VPS13C: variants seen among roughly 807,000 people sequenced by gnomAD.
The protein encoded by VPS13C is vacuolar protein sorting 13 homolog C.
A neutral mutation model predicts 456.8 loss-of-function variants in VPS13C; 358 were observed. The observed-to-expected ratio is 0.78, with a 90% confidence interval of 0.72 to 0.86. The LOEUF is 0.86. Ranked by LOEUF, VPS13C falls within the 40% of genes least tolerant of loss-of-function variation. VPS13C has a pLI of 0.00. For synonymous variants in VPS13C, 1,578 were observed against 1,486.7 expected (o/e 1.06, Z -1.41); for missense variants, 4,818 against 4,385.4 (o/e 1.10, Z -2.79).
rs1439275631 is a variant in VPS13C, at chr15:61,909,138, A to G, written c.8845-13T>C. ...AGATACCCCCATTCTATTGTAGAAA[A>G]AAAAAAAGTATGTTTGATGTACTGG... On this transcript the variant is annotated splice_polypyrimidine_tract_variant and intron_variant, in intron 64 of 84. Transcript: ENST00000644861. 2.5e-6 allele frequency: 4 copies of G among 1,612,562 alleles called. No homozygotes were observed. The South Asian group carries it at 4.4e-5, about 18-fold the overall frequency.
At chr15:61,884,008 T>A in intron 68 of VPS13C, 120 bp downstream of exon 68, 1 of 840,534 alleles carries the variant, frequency 1.2e-6, no homozygotes, top group Non-Finnish European at 1.7e-6. Flanking sequence ...AATAAAAGTT[T>A]ATCTACCAAT....
intron 54 of VPS13C, 110 bp from the exon 55 acceptor site, chr15:61,922,143 T>C (rs1198562931): frequency 8.3e-7 from 1 of 1,211,534 alleles, no homozygotes; most frequent in Non-Finnish European, 1.2e-6. Context: ...ATTAGCCATT[T>C]TCAAAACCCA....
chr15:62,015,623 G>T (rs2047210289), intron 9 of VPS13C, among the ~76,000 whole-genome samples: 1 of 142,488 alleles, frequency 7.0e-6, no homozygotes. Flanking sequence ...CATGTCCTTT[G>T]TAGGGACATG....
chr15:62,049,617 T>C lies in VPS13C; in HGVS notation c.101-5362A>G, dbSNP rs371642192. On this transcript the variant is annotated intron_variant, in intron 1 of 84. Transcript: ENST00000644861. ...TTTTGGTTCCATATGAACTTTAAAGTAGTTTTTCCAATTCTGTGAAGAAAG... is the reference window on the plus strand; with the variant it reads ...TTTTGGTTCCATATGAACTTTAAAGCAGTTTTTCCAATTCTGTGAAGAAAG... 5.3e-5 allele frequency among the ~76,000 whole-genome samples: 8 copies of C among 152,342 alleles called. No individual in the cohort carries two copies. The East Asian group carries it at 1.2e-3, about 22-fold the overall frequency.
intron 9 of VPS13C, among the ~76,000 whole-genome samples, chr15:62,014,897 C>T (rs913079716): frequency 6.6e-6 from 1 of 152,062 alleles, no homozygotes; most frequent in South Asian, 2.1e-4. Context: ...AAAGAAAGGT[C>T]ATATATTACT....
intron 79 of VPS13C, among the ~76,000 whole-genome samples, chr15:61,869,853 T>G (rs1894879264): frequency 1.3e-5 from 2 of 152,132 alleles, no homozygotes; most frequent in Non-Finnish European, 2.9e-5. Flanking sequence ...TCAGAAACTC[T>G]GGGGGCGGGG....
At chr15:61,934,364 G>T in intron 48 of VPS13C, 33 bp from the exon 49 acceptor site, 1 of 1,199,746 alleles carries the variant, frequency 8.3e-7, no homozygotes, top group Non-Finnish European at 1.1e-6. Context: ...TTTTAAGTAG[G>T]TACGTAATTT....
intron 36 of VPS13C, 87 bp downstream of exon 36, chr15:61,959,361 G>A (rs2045115627): frequency 1.6e-6 from 2 of 1,216,530 alleles, no homozygotes; most frequent in Non-Finnish European, 2.2e-6. Context: ...TTCAGCAAAA[G>A]AGTCTACATT....
chr15:61,896,534 CT>C (rs1408628054), intron 66 of VPS13C, among the ~76,000 whole-genome samples: 1 of 152,208 alleles, frequency 6.6e-6, no homozygotes, highest in African/African-American at 2.4e-5. Context: ...GAATACTGCG[CT>C]TTTCCGACGG....
intron 82 of VPS13C, among the ~76,000 whole-genome samples, chr15:61,859,783 G>A (rs1894124279): frequency 6.6e-6 from 1 of 151,956 alleles, no homozygotes; most frequent in South Asian, 2.1e-4. Flanking sequence ...AAATAGGGAA[G>A]GAACAGAGAT....
rs145258441 is a variant in VPS13C, at chr15:61,890,870, A to T, written c.9106-470T>A. Among the ~76,000 whole-genome samples the T allele has an allele frequency of 5.3e-3, 811 of 152,274 alleles. 9 individuals are homozygous for T. Among genetic ancestry groups the T allele is most frequent in the African/African-American group, 0.018 (766 of 41,558 alleles). On this transcript the variant is annotated intron_variant, in intron 66 of 84. Coordinates refer to ENST00000644861, the MANE Select transcript of VPS13C (RefSeq NM_020821.3). ...GAGACCAGCCTGGCCAACATGGTGAAACCCCGTCTCCACTAAAAATACAAA... is the reference window on the plus strand; with the variant it reads ...GAGACCAGCCTGGCCAACATGGTGATACCCCGTCTCCACTAAAAATACAAA...
chr15:62,023,501 T>C lies in VPS13C; in HGVS notation c.534A>G (p.Lys178=). 1 of 1,570,002 alleles carries C rather than the reference T, an allele frequency of 6.4e-7. No homozygotes were observed. The highest frequency in any genetic ancestry group is 1.2e-5 in the South Asian group (1 of 82,286). Residue 178 remains lysine, a synonymous_variant, in exon 8 of 85, where the codon AAA becomes AAG. Coordinates refer to ENST00000644861, the MANE Select transcript of VPS13C (RefSeq NM_020821.3). ...CCAATTTTTCCACAAATGTATCCTTTTTGGCTTCTTTTGGCTTATCTATTA... is the reference window on the plus strand; with the variant it reads ...CCAATTTTTCCACAAATGTATCCTTCTTGGCTTCTTTTGGCTTATCTATTA... ...DRSKDKPKEA[K]KDTFVEKLAT... is the part of the protein sequence containing the mutation.
rs1268941928 is a variant in VPS13C at position 61,853,523 on chromosome 15, T to C, written c.*934A>G. ...TAAGGTTTGATTGTCCAGATTTTTT[T>C]ATTAGACTGCAAGGAGGAAAAATAA... On this transcript the variant is annotated 3_prime_UTR_variant, in exon 85 of 85. Transcript: ENST00000644861. 1 of 152,220 alleles carries C rather than the reference T, an allele frequency of 6.6e-6. No homozygotes were observed. The highest frequency in any genetic ancestry group is 1.5e-5 in the Non-Finnish European group (1 of 68,036). 9.4% of individuals were successfully genotyped at this position (152,220 alleles called of 1,614,324 possible).
intron 5 of VPS13C, 68 bp downstream of exon 5, chr15:62,033,373 T>C: frequency 2.0e-6 from 2 of 991,700 alleles, no homozygotes; most frequent in Non-Finnish European, 2.8e-6. Context: ...AAAAGCATCC[T>C]CTTTAAAGGA....
intron 12 of VPS13C, among the ~76,000 whole-genome samples, chr15:62,011,238 T>C (rs2047028057): frequency 6.6e-6 from 1 of 152,108 alleles, no homozygotes; most frequent in Non-Finnish European, 1.5e-5. Flanking sequence ...TGATATCTCA[T>C]GGTAATTACA....
Position 61,911,820 on chromosome 15 carries a change from G to A in VPS13C, c.8715+20C>T, listed in dbSNP as rs772629012. The A allele has an allele frequency of 1.4e-5, 22 of 1,566,032 alleles. No individual in the cohort carries two copies. The highest frequency in any genetic ancestry group is 1.7e-5 in the Non-Finnish European group (20 of 1,154,826). The stretch of plus-strand genomic sequence containing the variant: ...TATTTGTATATTTTAGGAATCAGTT[G>A]TAACAAAGAAAAATGCTACCTCTGA... On this transcript the variant is annotated intron_variant, in intron 63 of 84. Transcript: ENST00000644861.
chr15:62,049,677 A>G (rs1365031025), intron 1 of VPS13C, among the ~76,000 whole-genome samples: 3 of 152,190 alleles, frequency 2.0e-5, no homozygotes, highest in Non-Finnish European at 2.9e-5. Flanking sequence ...CATTGAAACT[A>G]TAAATTACCT....
At position 61,918,341 on chromosome 15, in the gene VPS13C, G is replaced by T. The variant is rs1180864216; in HGVS notation, c.7639-84C>A. ...TGAGAGCCACAAACAAATACTTTTA[G>T]ATCTAAAAAATTTCAAACTCAGTAT... On this transcript the variant is annotated intron_variant, in intron 58 of 84. Coordinates refer to ENST00000644861, the MANE Select transcript of VPS13C (RefSeq NM_020821.3). 2.3e-6 allele frequency: 3 copies of T among 1,284,374 alleles called. No individual in the cohort carries two copies. The East Asian group carries it at 8.1e-5, about 34-fold the overall frequency. The allele number at this position is 1,284,374 out of a possible 1,614,324, so 79.6% of individuals were successfully genotyped here.
chr15:61,894,910 T>C (rs2042761312), intron 66 of VPS13C, among the ~76,000 whole-genome samples: 1 of 152,156 alleles, frequency 6.6e-6, no homozygotes, highest in South Asian at 2.1e-4. Flanking sequence ...GTACAGAACA[T>C]TTCATCCGAC....
Sources: allele counts gnomAD v4.1 joint callset (sites outside exome capture counted in the v4.1 genomes callset), GRCh38; gene constraint gnomAD v4.1.1; transcripts MANE v1.5; gene names NCBI Gene and HGNC (gene_info 2026-07-23, HGNC 2026-07-21).